HLCS: variants seen among roughly 807,000 people sequenced by gnomAD.
HLCS encodes the protein biotin--protein ligase.
HLCS carries 53 observed loss-of-function variants against 75.0 expected under a neutral mutation model. The ratio of observed to expected loss-of-function variants is 0.71; its 90% CI spans 0.57 to 0.89. The LOEUF (loss-of-function observed/expected upper bound fraction) is 0.89. Ranked by LOEUF, HLCS falls within the 40% of genes least tolerant of loss-of-function variation. HLCS has a pLI of 0.00. For missense variants in HLCS, 966 were observed against 1,074.0 expected (o/e 0.90, Z 1.41); for synonymous variants, 431 against 428.6 (o/e 1.01, Z -0.07).
chr21:36,817,219 CG>C (rs1467494556), intron 6 of HLCS, among the ~76,000 whole-genome samples: 3 of 152,162 alleles, frequency 2.0e-5, no homozygotes, highest in African/African-American at 7.2e-5. Flanking sequence ...TTATAAACAT[CG>C]GTATTTTTTC....
intron 6 of HLCS, among the ~76,000 whole-genome samples, chr21:36,880,287 T>C (rs1338986791): frequency 6.6e-6 from 1 of 151,978 alleles, no homozygotes; most frequent in African/African-American, 2.4e-5. Flanking sequence ...GCTCATATTT[T>C]GCAACAGAAA....
At chr21:36,951,124 A>G (rs773064441) in intron 2 of HLCS, among the ~76,000 whole-genome samples, 10 of 152,236 alleles carry the variant, frequency 6.6e-5, no homozygotes, top group Admixed American at 1.3e-4. Flanking sequence ...TTGATGTGAT[A>G]AACAATGTGA....
At chr21:36,827,469 G>A (rs1375602112) in intron 6 of HLCS, among the ~76,000 whole-genome samples, 1 of 151,298 alleles carries the variant, frequency 6.6e-6, no homozygotes, top group Non-Finnish European at 1.5e-5. Context: ...AGCTACTCGG[G>A]AGGCTGAGGC....
rs370841445 is a variant in HLCS at position 36,898,743 on chromosome 21, T to G, written c.1621-1612A>C. Among the ~76,000 whole-genome samples, 28 of 152,158 alleles carry G rather than the reference T, an allele frequency of 1.8e-4. 1 individual carries two copies. In the East Asian group the frequency reaches 5.0e-3, roughly 27 times the overall value. On this transcript the variant is annotated intron_variant, in intron 5 of 10. Transcript: ENST00000674895. ...GCATTAGACAGCAAACTGGAATTAC[T>G]GTCAGTTTTAATAGGTGTGACAAGG...
At chr21:36,953,065 GAGC>G (rs1368879930) in intron 2 of HLCS, among the ~76,000 whole-genome samples, 1 of 152,184 alleles carries the variant, frequency 6.6e-6, no homozygotes, top group East Asian at 1.9e-4. Context: ...AATGAAATGG[GAGC>G]AGAAGTCGCC....
In HLCS at chr21:36,798,140, A is replaced by G. The variant is rs534549025; in HGVS notation, c.1893-30855T>C. ...AGTAAACACAAAGGATGGAGGTAGT[A>G]GCGTGTGCTTGACCTGAGGCCCAAC... On this transcript the variant is annotated intron_variant, in intron 6 of 10. Coordinates refer to ENST00000674895, the MANE Select transcript of HLCS (RefSeq NM_001352514.2). Among the ~76,000 whole-genome samples, 15 of 152,304 alleles carry G rather than the reference A, an allele frequency of 9.8e-5. No homozygotes were observed. In the South Asian group the frequency reaches 3.1e-3, roughly 32 times the overall value.
chr21:36,807,295 C>T (rs1188724189), intron 6 of HLCS, among the ~76,000 whole-genome samples: 1 of 152,026 alleles, frequency 6.6e-6, no homozygotes, highest in Non-Finnish European at 1.5e-5. Flanking sequence ...GAGCCCGATT[C>T]TCCCAAGGCG....
chr21:36,866,227 A>G (rs112194521), intron 6 of HLCS, among the ~76,000 whole-genome samples: 4 of 152,194 alleles, frequency 2.6e-5, no homozygotes, highest in African/African-American at 9.7e-5. Context: ...TGGTAAGGGA[A>G]GGGCAGAAAT....
At chr21:36,793,787 A>G (rs575079093) in intron 6 of HLCS, among the ~76,000 whole-genome samples, 258 of 152,380 alleles carry the variant, frequency 1.7e-3, no homozygotes, top group African/African-American at 6.1e-3. Flanking sequence ...AGTGCTAGTC[A>G]GAAGCTACAT....
rs58625493 is a variant in HLCS, at chr21:36,898,446, C to CAA, written c.1621-1317_1621-1316dup. On this transcript the variant is annotated intron_variant, in intron 5 of 10. Transcript: ENST00000674895. ...GGCAACAAAGAGTGAAACTCCATCT[C>CAA]AAAAAAAAAAAAAAAAAAAAGACAA... Among the ~76,000 whole-genome samples, 28 of 49,522 alleles carry CAA rather than the reference C, an allele frequency of 5.7e-4. 1 individual carries two copies. Among genetic ancestry groups the CAA allele is most frequent in the East Asian group, 4.4e-3 (8 of 1,804 alleles). 32.5% of individuals were successfully genotyped at this position (49,522 alleles called of 152,430 possible).
chr21:36,876,899 C>T (rs2064001496), intron 6 of HLCS, among the ~76,000 whole-genome samples: 1 of 152,186 alleles, frequency 6.6e-6, no homozygotes, highest in African/African-American at 2.4e-5. Context: ...TTTATTCTGT[C>T]CATTTTTGCA....
intron 6 of HLCS, among the ~76,000 whole-genome samples, chr21:36,882,878 G>C (rs1250111055): frequency 6.6e-6 from 1 of 152,160 alleles, no homozygotes; most frequent in Non-Finnish European, 1.5e-5. Context: ...GGCAAAGAAA[G>C]AGGCAGGTAC....
At chr21:36,776,216 T>C (rs1315880337) in intron 6 of HLCS, among the ~76,000 whole-genome samples, 2 of 152,222 alleles carry the variant, frequency 1.3e-5, no homozygotes, top group Non-Finnish European at 2.9e-5. Flanking sequence ...CCAGATTTCC[T>C]AAAGGTTCAC....
chr21:36,805,254 TTC>T (rs148107368), intron 6 of HLCS, among the ~76,000 whole-genome samples: 1 of 152,130 alleles, frequency 6.6e-6, no homozygotes, highest in African/African-American at 2.4e-5. Flanking sequence ...AAAAAAAAAT[TTC>T]TCTCTCGGTT....
chr21:36,867,883 A>G (rs1333814656), intron 6 of HLCS, among the ~76,000 whole-genome samples: 2 of 152,228 alleles, frequency 1.3e-5, no homozygotes, highest in Admixed American at 1.3e-4. Flanking sequence ...CTGTAATCCC[A>G]ATACTTTTGG....
chr21:36,790,676 C>T (rs896310533), intron 6 of HLCS, among the ~76,000 whole-genome samples: 5 of 152,154 alleles, frequency 3.3e-5, no homozygotes, highest in Admixed American at 6.5e-5. Context: ...TGGAGAAAAA[C>T]GCAAACGGAC....
In HLCS at chr21:36,797,704, T is replaced by G. The variant is rs570448429; in HGVS notation, c.1893-30419A>C. On this transcript the variant is annotated intron_variant, in intron 6 of 10. Coordinates refer to ENST00000674895, the MANE Select transcript of HLCS (RefSeq NM_001352514.2). ...AGAGCCTGCTCAGCAGAAGAAAAATTGAGAAGGCTAATGGAGAGAGCCGTT... is the reference window on the plus strand; with the variant it reads ...AGAGCCTGCTCAGCAGAAGAAAAATGGAGAAGGCTAATGGAGAGAGCCGTT... 2.0e-5 allele frequency among the ~76,000 whole-genome samples: 3 copies of G among 152,284 alleles called. No individual in the cohort carries two copies. In the South Asian group the frequency reaches 6.2e-4, roughly 32 times the overall value.
intron 6 of HLCS, among the ~76,000 whole-genome samples, chr21:36,822,353 G>A (rs2061871227): frequency 6.6e-6 from 1 of 152,186 alleles, no homozygotes; most frequent in African/African-American, 2.4e-5. Flanking sequence ...CCGGGAGGCA[G>A]AGGTTGCAGT....
intron 6 of HLCS, among the ~76,000 whole-genome samples, chr21:36,893,552 G>T (rs2064881055): frequency 6.6e-6 from 1 of 152,166 alleles, no homozygotes; most frequent in Non-Finnish European, 1.5e-5. Context: ...TTTTGTGGAA[G>T]ACAGTTTGTC....
Sources: gnomAD v4.1 joint callset for allele counts (sites outside exome capture counted in the v4.1 genomes callset) on GRCh38, gnomAD v4.1.1 for gene constraint, MANE v1.5 for transcripts, NCBI Gene and HGNC (gene_info 2026-07-23, HGNC 2026-07-21) for gene names.